Variants in ARMH3 observed in about 807,000 individuals in gnomAD.
The protein encoded by ARMH3 is armadillo like helical domain containing 3.
ARMH3 carries 60 observed loss-of-function variants against 99.1 expected under a neutral mutation model. That is an observed-to-expected ratio of 0.61 (90% CI 0.49 to 0.75). The LOEUF is 0.75. Among genes scored for constraint, ARMH3 ranks in the 30% least tolerant of loss-of-function variants. The pLI, the probability that ARMH3 is intolerant of heterozygous loss-of-function variation, is 0.00. For synonymous variants in ARMH3, 285 were observed against 292.8 expected, an observed-to-expected ratio of 0.97 and a Z score of 0.27; for missense variants, 679 against 843.1, an observed-to-expected ratio of 0.81 and a Z score of 2.41.
chr10:102,030,588 T>C (rs921126158), intron 4 of ARMH3, among the ~76,000 whole-genome samples: 6 of 152,064 alleles, frequency 3.9e-5, no homozygotes, highest in African/African-American at 1.4e-4. Flanking sequence ...CAGATGCCTG[T>C]AATCCCAGCT....
At position 101,990,408 on chromosome 10, in the gene ARMH3, T is replaced by C. The variant is rs1010171955; in HGVS notation, c.1406+143A>G. The C allele has an allele frequency of 9.0e-6, 5 of 557,426 alleles. No homozygotes were observed. The African/African-American group carries it at 9.6e-5, about 11-fold the overall frequency. The allele number at this position is 557,426 out of a possible 1,614,324, so 34.5% of individuals were successfully genotyped here. On this transcript the variant is annotated intron_variant, in intron 19 of 25. Transcript: ENST00000370033. ...CCGTGGTCTCGATCTCCTGACCTTG[T>C]GATCCGCCCGCCTCGGCCTCCCAAG...
chr10:102,049,108 T>G (rs1264072135), intron 1 of ARMH3, among the ~76,000 whole-genome samples: 1 of 152,178 alleles, frequency 6.6e-6, no homozygotes, highest in East Asian at 1.9e-4. Context: ...TCCACATGGT[T>G]CCTTAGCACA....
At chr10:101,864,690 C>T (rs1382894710) in intron 24 of ARMH3, among the ~76,000 whole-genome samples, 1 of 152,052 alleles carries the variant, frequency 6.6e-6, no homozygotes, top group East Asian at 1.9e-4. Context: ...GGGAATTGAA[C>T]AATGAGAACA....
intron 12 of ARMH3, among the ~76,000 whole-genome samples, 190 bp downstream of exon 12, chr10:102,009,787 G>T (rs550088798): frequency 6.6e-6 from 1 of 151,960 alleles, no homozygotes; most frequent in South Asian, 2.1e-4. Context: ...GCTTATTGTC[G>T]CTCAATACAT....
chr10:102,024,797 C>T (rs764656164), intron 6 of ARMH3, among the ~76,000 whole-genome samples: 56 of 149,464 alleles, frequency 3.7e-4, no homozygotes, highest in African/African-American at 1.0e-3. Flanking sequence ...CCAGCCTGGG[C>T]GACGGAGCAA....
chr10:101,939,223 C>A (rs1377957972), intron 23 of ARMH3, among the ~76,000 whole-genome samples: 1 of 152,134 alleles, frequency 6.6e-6, no homozygotes, highest in African/African-American at 2.4e-5. Flanking sequence ...ATCAAAGGCA[C>A]AAAGGGAGCA....
At chr10:102,005,105 G>T (rs2066452679) in intron 14 of ARMH3, among the ~76,000 whole-genome samples, 1 of 152,198 alleles carries the variant, frequency 6.6e-6, no homozygotes, top group Admixed American at 6.5e-5. Context: ...GCTGAGGCAG[G>T]AGAATCACTT....
chr10:101,847,678 A>G, intron 25 of ARMH3, 58 bp from the exon 26 acceptor site: 1 of 1,508,044 alleles, frequency 6.6e-7, no homozygotes, highest in Non-Finnish European at 9.2e-7. Flanking sequence ...AACAGGAGAG[A>G]GTCAGTTCTA....
intron 23 of ARMH3, among the ~76,000 whole-genome samples, chr10:101,895,425 G>A (rs988442359): frequency 6.6e-5 from 10 of 151,876 alleles, no homozygotes; most frequent in African/African-American, 2.2e-4. Context: ...GACTACAGGC[G>A]CCCGCCACCA....
intron 23 of ARMH3, among the ~76,000 whole-genome samples, chr10:101,935,277 A>G (rs1264517289): frequency 6.6e-6 from 1 of 151,480 alleles, no homozygotes; most frequent in South Asian, 2.1e-4. Flanking sequence ...GTGTTCCAAT[A>G]AAGACAGCAG....
At position 101,846,853 on chromosome 10, in the gene ARMH3, G is replaced by C. The variant is rs1026474645; in HGVS notation, c.*675C>G. 1 of 152,572 alleles carries C rather than the reference G, an allele frequency of 6.6e-6. No individual in the cohort carries two copies. Among genetic ancestry groups the C allele is most frequent in the African/African-American group, 2.4e-5 (1 of 41,464 alleles). The allele number at this position is 152,572 out of a possible 1,614,324, so 9.5% of individuals were successfully genotyped here. On this transcript the variant is annotated 3_prime_UTR_variant, in exon 26 of 26. Transcript: ENST00000370033. The stretch of plus-strand genomic sequence containing the variant: ...CACGCTCCTGTAGTCCCAGCTACTC[G>C]GGAGGCTGAGGCAGGAGAATCGCTT...
intron 20 of ARMH3, among the ~76,000 whole-genome samples, chr10:101,974,842 G>A (rs913639859): frequency 3.3e-5 from 5 of 151,650 alleles, no homozygotes; most frequent in South Asian, 2.1e-4. Flanking sequence ...GTCCATATGC[G>A]GCTATCAAAT....
chr10:101,957,801 G>T, intron 20 of ARMH3, 69 bp from the exon 21 acceptor site: 1 of 1,486,292 alleles, frequency 6.7e-7, no homozygotes. Context: ...AATAAAAACA[G>T]ACTAGCTCTA....
rs535063119 is a variant in ARMH3, at chr10:101,945,998, G to A, written c.1706-6060C>T. On this transcript the variant is annotated intron_variant, in intron 22 of 25. Transcript: ENST00000370033. Reference sequence around the variant, plus strand: ...CTGGGGAGAATGAGGCAGAAGAATCGCTTGAACCCAGGAGGCAGAGGTTGC... The same window carrying A: ...CTGGGGAGAATGAGGCAGAAGAATCACTTGAACCCAGGAGGCAGAGGTTGC... Among the ~76,000 whole-genome samples the A allele has an allele frequency of 6.5e-5, 9 of 138,762 alleles. 1 individual carries two copies. The highest frequency in any genetic ancestry group is 2.2e-4 in the East Asian group (1 of 4,514). The allele number at this position is 138,762 out of a possible 152,430, so 91.0% of individuals were successfully genotyped here.
chr10:101,900,673 C>T (rs552956036), intron 23 of ARMH3, among the ~76,000 whole-genome samples: 44 of 152,032 alleles, frequency 2.9e-4, no homozygotes, highest in Non-Finnish European at 5.7e-4. Context: ...TCTTCTTTTC[C>T]CGTCACTTCA....
intron 23 of ARMH3, among the ~76,000 whole-genome samples, chr10:101,912,718 T>C (rs561976504): frequency 6.6e-6 from 1 of 152,186 alleles, no homozygotes; most frequent in Non-Finnish European, 1.5e-5. Flanking sequence ...ATAGAGGTGG[T>C]GACAGCAGAC....
rs555029620 is a variant in ARMH3, at chr10:101,987,302, C to T, written c.1406+3249G>A. ...AGCACCTAAACATGCTGGTCCCCTA[C>T]GTGGTATGTCCTTCCCTGACTCCTC... is the stretch of plus-strand genomic sequence containing the variant. On this transcript the variant is annotated intron_variant, in intron 19 of 25. Transcript: ENST00000370033. Among the ~76,000 whole-genome samples the T allele has an allele frequency of 1.6e-4, 25 of 152,278 alleles. No individual in the cohort carries two copies. The South Asian group carries it at 5.0e-3, about 30-fold the overall frequency.
chr10:101,926,687 G>A (rs1490445245), intron 23 of ARMH3, among the ~76,000 whole-genome samples: 1 of 152,176 alleles, frequency 6.6e-6, no homozygotes, highest in East Asian at 1.9e-4. Flanking sequence ...CCTTATAAAA[G>A]TTATAACTAG....
chr10:102,048,056 C>G lies in ARMH3; in HGVS notation c.-11-7931G>C, dbSNP rs571909273. 3.9e-5 allele frequency among the ~76,000 whole-genome samples: 6 copies of G among 152,214 alleles called. No individual in the cohort carries two copies. In the South Asian group the frequency reaches 8.3e-4, roughly 21 times the overall value. On this transcript the variant is annotated intron_variant, in intron 1 of 25. Transcript: ENST00000370033. ...CCCTGCCCCAAGTAATTCTGATGAC[C>G]ATTAAAGTTTGAGAAGTACTCATCC...
Sources: gnomAD v4.1 joint callset for allele counts (sites outside exome capture counted in the v4.1 genomes callset) on GRCh38, gnomAD v4.1.1 for gene constraint, MANE v1.5 for transcripts, NCBI Gene and HGNC (gene_info 2026-07-23, HGNC 2026-07-21) for gene names.